Variants in MCTP1 observed in about 807,000 individuals in gnomAD.
The protein encoded by MCTP1 is multiple C2 and transmembrane domain containing 1, also known as multiple C2 and transmembrane domain-containing protein 1.
In MCTP1, 69 loss-of-function variants were observed where a neutral mutation model predicts 120.6. The observed-to-expected ratio is 0.57, with a 90% CI of 0.47 to 0.70. MCTP1 has a LOEUF of 0.70. MCTP1 is among the 30% of genes least tolerant of loss of function. The pLI is 0.00. For synonymous variants in MCTP1, 529 were observed against 493.1 expected, an observed-to-expected ratio of 1.07 and a Z score of -0.96; for missense variants, 1,203 against 1,248.8, an observed-to-expected ratio of 0.96 and a Z score of 0.55.
chr5:95,255,948 C>T (rs751806020), intron 1 of MCTP1, among the ~76,000 whole-genome samples: 1 of 152,072 alleles, frequency 6.6e-6, no homozygotes, highest in African/African-American at 2.4e-5. Context: ...CGGAAGTGTT[C>T]GTCTGTAGCT....
Position 95,193,484 on chromosome 5 carries a change from A to G in MCTP1, c.720+90372T>C, listed in dbSNP as rs144663630. On this transcript the variant is annotated intron_variant, in intron 1 of 22. Coordinates refer to ENST00000515393, the MANE Select transcript of MCTP1 (RefSeq NM_024717.7). Reference sequence around the variant, plus strand: ...GGTTAACAAATGGACTAAATATACAAATAGAGTTAAAACAGCCTGATTAAG... The same window carrying G: ...GGTTAACAAATGGACTAAATATACAGATAGAGTTAAAACAGCCTGATTAAG... Among the ~76,000 whole-genome samples, 204 of 152,320 alleles carry G rather than the reference A, an allele frequency of 1.3e-3. 1 individual carries two copies. The highest frequency in any genetic ancestry group is 4.9e-3 in the African/African-American group (202 of 41,580).
At chr5:95,041,230 G>T (rs1842298219) in intron 1 of MCTP1, among the ~76,000 whole-genome samples, 1 of 148,412 alleles carries the variant, frequency 6.7e-6, no homozygotes, top group African/African-American at 2.5e-5. Flanking sequence ...GAAGATTAGA[G>T]AGGTTGTATA....
intron 1 of MCTP1, among the ~76,000 whole-genome samples, chr5:95,023,580 C>T (rs924306655): frequency 1.3e-5 from 2 of 152,266 alleles, no homozygotes; most frequent in Middle Eastern, 3.4e-3. Context: ...CTCCAGGGAT[C>T]GCCCAACTCC....
chr5:94,920,737 G>A (rs1276791092), intron 7 of MCTP1, among the ~76,000 whole-genome samples: 2 of 131,106 alleles, frequency 1.5e-5, no homozygotes, highest in African/African-American at 3.0e-5. Context: ...GGGAGATTCC[G>A]TCTCAAAATA....
chr5:95,166,786 C>G lies in MCTP1; in HGVS notation c.720+117070G>C, dbSNP rs189362613. On this transcript the variant is annotated intron_variant, in intron 1 of 22. Coordinates refer to ENST00000515393, the MANE Select transcript of MCTP1 (RefSeq NM_024717.7). ...GTTTCACCGTGTTAGCCAGGATGGT[C>G]TTGATCTCCTGACCTTGTGATCCGC... 7.2e-5 allele frequency among the ~76,000 whole-genome samples: 11 copies of G among 152,122 alleles called. No individual in the cohort carries two copies. The Middle Eastern group carries it at 0.01, about 141-fold the overall frequency.
chr5:94,714,168 G>C (rs974431517), intron 20 of MCTP1, among the ~76,000 whole-genome samples: 1 of 152,106 alleles, frequency 6.6e-6, no homozygotes, highest in African/African-American at 2.4e-5. Context: ...TTAGAGCTCA[G>C]TGAAGCTATA....
Position 95,102,328 on chromosome 5 carries a change from G to A in MCTP1, c.721-84844C>T, listed in dbSNP as rs577076485. Among the ~76,000 whole-genome samples, 12 of 152,312 alleles carry A rather than the reference G, an allele frequency of 7.9e-5. No homozygotes were observed. In the East Asian group the frequency reaches 2.1e-3, roughly 27 times the overall value. On this transcript the variant is annotated intron_variant, in intron 1 of 22. Coordinates refer to ENST00000515393, the MANE Select transcript of MCTP1 (RefSeq NM_024717.7). ...AGTCTCAGCTGACCCAAAGCTCACT[G>A]CGGCTGCATGAGTGAGCCAGGCCAA...
chr5:95,151,401 G>A (rs1760888009), intron 1 of MCTP1, among the ~76,000 whole-genome samples: 2 of 152,082 alleles, frequency 1.3e-5, no homozygotes. Flanking sequence ...GGTTGAGAAG[G>A]AGAAGGTAGA....
At position 95,171,405 on chromosome 5, in the gene MCTP1, C is replaced by G. The variant is rs1359722640; in HGVS notation, c.720+112451G>C. Among the ~76,000 whole-genome samples the G allele has an allele frequency of 2.0e-5, 3 of 152,148 alleles. No homozygotes were observed. The East Asian group carries it at 5.8e-4, about 29-fold the overall frequency. The stretch of plus-strand genomic sequence containing the variant: ...TTATGTGTCTTGGAGTTGCCCTTCT[C>G]AAGGAGTATCTTTGTGGTGTTTTCT... On this transcript the variant is annotated intron_variant, in intron 1 of 22. Transcript: ENST00000515393.
At chr5:95,043,704 C>T (rs940026498) in intron 1 of MCTP1, among the ~76,000 whole-genome samples, 15 of 152,112 alleles carry the variant, frequency 9.9e-5, no homozygotes, top group African/African-American at 3.6e-4. Flanking sequence ...TGTCTATTTG[C>T]CATTAATCTG....
chr5:95,071,079 G>A (rs936460464), intron 1 of MCTP1, among the ~76,000 whole-genome samples: 1 of 152,172 alleles, frequency 6.6e-6, no homozygotes, highest in African/African-American at 2.4e-5. Flanking sequence ...GTTCATCCCT[G>A]GAGAGAAATG....
chr5:95,135,262 A>G (rs979038985), intron 1 of MCTP1, among the ~76,000 whole-genome samples: 2 of 152,226 alleles, frequency 1.3e-5, no homozygotes, highest in African/African-American at 2.4e-5. Context: ...GGACCATAAT[A>G]TCAACAAATC....
chr5:95,190,995 CTT>C (rs1181085875), intron 1 of MCTP1, among the ~76,000 whole-genome samples: 1 of 151,920 alleles, frequency 6.6e-6, no homozygotes, highest in Non-Finnish European at 1.5e-5. Flanking sequence ...AAAGAAAAGA[CTT>C]GTACAATTAA....
At chr5:95,213,073 T>G (rs1752592092) in intron 1 of MCTP1, among the ~76,000 whole-genome samples, 2 of 152,144 alleles carry the variant, frequency 1.3e-5, no homozygotes, top group Non-Finnish European at 2.9e-5. Flanking sequence ...GAAGTCAAAT[T>G]GTCCCTGTTT....
intron 12 of MCTP1, among the ~76,000 whole-genome samples, chr5:94,881,881 T>C (rs1183817865): frequency 1.3e-5 from 2 of 152,204 alleles, no homozygotes; most frequent in Non-Finnish European, 2.9e-5. Flanking sequence ...AAATATATTC[T>C]GGTTAGTCAA....
intron 1 of MCTP1, among the ~76,000 whole-genome samples, chr5:95,246,754 G>A (rs1287443844): frequency 6.6e-6 from 1 of 152,138 alleles, no homozygotes; most frequent in Non-Finnish European, 1.5e-5. Flanking sequence ...ACAGATCATG[G>A]TGGATAAGCT....
intron 1 of MCTP1, among the ~76,000 whole-genome samples, chr5:95,102,369 C>A (rs1428654032): frequency 2.6e-5 from 4 of 152,168 alleles, no homozygotes; most frequent in Non-Finnish European, 4.4e-5. Flanking sequence ...GAAGAAAAAC[C>A]CAGCTCACTC....
chr5:95,284,362 T>TC lies in MCTP1; in HGVS notation c.213dup (p.Ser72GlufsTer111), dbSNP rs759690370. On this transcript the variant is annotated frameshift_variant, in exon 1 of 23. Transcript: ENST00000515393. LOFTEE classifies it high-confidence loss of function. This position sits in a 1 kb window ranked among gnomAD's most constrained non-coding sequence, Gnocchi z 5.2. ...CCGCTCCACCTGCTGCCTGCACCAC[T>TC]CCCCCTGGCCGGTGCATTCCCTGTG... 1.0e-5 allele frequency: 16 copies of TC among 1,595,590 alleles called. No homozygotes were observed. The highest frequency in any genetic ancestry group is 1.3e-5 in the Non-Finnish European group (15 of 1,178,932).
At chr5:94,809,831 C>T (rs1278924092) in intron 17 of MCTP1, among the ~76,000 whole-genome samples, 1 of 152,150 alleles carries the variant, frequency 6.6e-6, no homozygotes, top group Non-Finnish European at 1.5e-5. Flanking sequence ...CTGTTAAACT[C>T]ACTGAAGCTT....
Sources: allele counts gnomAD v4.1 joint callset (sites outside exome capture counted in the v4.1 genomes callset), GRCh38; gene constraint gnomAD v4.1.1; non-coding constraint Gnocchi (gnomAD v3.1); transcripts MANE v1.5; gene names NCBI Gene and HGNC (gene_info 2026-07-23, HGNC 2026-07-21).